The following CXCL13 variants were observed in gnomAD, a reference collection of about 807,000 sequenced individuals.
CXCL13 encodes C-X-C motif chemokine ligand 13.
In CXCL13, 7 loss-of-function variants were observed where a neutral mutation model predicts 12.2. That is an observed-to-expected ratio of 0.57 (90% CI 0.33 to 1.07). The LOEUF is 1.07. CXCL13 is among the 50% of genes least tolerant of loss of function. CXCL13 has a pLI of 0.04. For missense variants in CXCL13, 113 were observed against 127.4 expected, an observed-to-expected ratio of 0.89 and a Z score of 0.55; for synonymous variants, 47 against 42.4, an observed-to-expected ratio of 1.11 and a Z score of -0.42.
chr4:77,574,762 C>T (rs932499984), intron 1 of CXCL13, among the ~76,000 whole-genome samples: 2 of 151,676 alleles, frequency 1.3e-5, no homozygotes, highest in Admixed American at 1.3e-4. Context: ...GTTAGATATC[C>T]GTTGTGTGTG....
chr4:77,596,050 C>T (rs1225588747), intron 1 of CXCL13, among the ~76,000 whole-genome samples: 2 of 152,222 alleles, frequency 1.3e-5, no homozygotes, highest in Non-Finnish European at 2.9e-5. Flanking sequence ...TCATACTCAA[C>T]AAATTGTTAC....
At position 77,600,037 on chromosome 4, in the gene CXCL13, G is replaced by A. The variant is rs1033412968; in HGVS notation, c.-42-5787G>A. On this transcript the variant is annotated intron_variant, in intron 1 of 4. Transcript: ENST00000286758. ...TTTTAAGCAAATTTTTGAGCAACTG[G>A]GTGAATGATGATACCATTTACTAAG... Among the ~76,000 whole-genome samples, 4 of 152,098 alleles carry A rather than the reference G, an allele frequency of 2.6e-5. No individual in the cohort carries two copies. The South Asian group carries it at 8.3e-4, about 32-fold the overall frequency.
intron 1 of CXCL13, among the ~76,000 whole-genome samples, chr4:77,567,505 G>A (rs1307585979): frequency 6.6e-6 from 1 of 152,202 alleles, no homozygotes; most frequent in Non-Finnish European, 1.5e-5. Flanking sequence ...GCCCCTACGT[G>A]AGGAACTCTG....
chr4:77,568,220 C>A (rs752002129), intron 1 of CXCL13, among the ~76,000 whole-genome samples: 2 of 152,170 alleles, frequency 1.3e-5, no homozygotes, highest in Non-Finnish European at 2.9e-5. Context: ...ACTCACTATC[C>A]TTTTTTATCT....
At chr4:77,513,669 G>T (rs1040169646) in intron 1 of CXCL13, among the ~76,000 whole-genome samples, 3 of 151,936 alleles carry the variant, frequency 2.0e-5, no homozygotes, top group Non-Finnish European at 4.4e-5. Flanking sequence ...AGCCAGGATG[G>T]CCTCCATCTC....
chr4:77,522,944 A>G (rs1051464809), intron 1 of CXCL13, among the ~76,000 whole-genome samples: 3 of 152,078 alleles, frequency 2.0e-5, no homozygotes, highest in African/African-American at 4.8e-5. Context: ...TCTGTAAAGG[A>G]TTTTATTTCT....
intron 1 of CXCL13, among the ~76,000 whole-genome samples, chr4:77,524,297 G>A (rs1247009684): frequency 6.6e-6 from 1 of 152,200 alleles, no homozygotes; most frequent in Non-Finnish European, 1.5e-5. Flanking sequence ...GTCTGCAGAA[G>A]TTTCTGCTGC....
intron 1 of CXCL13, among the ~76,000 whole-genome samples, chr4:77,577,483 G>A (rs769137284): frequency 2.0e-5 from 3 of 152,190 alleles, no homozygotes; most frequent in Non-Finnish European, 2.9e-5. Context: ...CAGTGCAGGT[G>A]AGTGTGACTA....
chr4:77,536,284 A>G (rs944269456), intron 1 of CXCL13, among the ~76,000 whole-genome samples: 1 of 152,222 alleles, frequency 6.6e-6, no homozygotes, highest in Non-Finnish European at 1.5e-5. Context: ...TCATTATGGA[A>G]TAAATAATAA....
At chr4:77,597,765 G>A (rs899964243) in intron 1 of CXCL13, among the ~76,000 whole-genome samples, 4 of 152,092 alleles carry the variant, frequency 2.6e-5, no homozygotes, top group African/African-American at 9.7e-5. Context: ...CTGCTCTGTG[G>A]CCACATTCTA....
chr4:77,521,942 T>C (rs767570197), intron 1 of CXCL13, among the ~76,000 whole-genome samples: 1 of 152,204 alleles, frequency 6.6e-6, no homozygotes, highest in African/African-American at 2.4e-5. Context: ...AGAACATCTT[T>C]ATTTCTGCCT....
At chr4:77,578,909 GC>G (rs1203145571) in intron 1 of CXCL13, among the ~76,000 whole-genome samples, 4 of 152,176 alleles carry the variant, frequency 2.6e-5, no homozygotes, top group Non-Finnish European at 5.9e-5. Context: ...ACTGAATATG[GC>G]TTGATAACTA....
At chr4:77,579,591 C>G (rs1726270520) in intron 1 of CXCL13, among the ~76,000 whole-genome samples, 1 of 152,130 alleles carries the variant, frequency 6.6e-6, no homozygotes, top group African/African-American at 2.4e-5. Context: ...TACAGACACT[C>G]CTCTACTCTG....
intron 1 of CXCL13, among the ~76,000 whole-genome samples, chr4:77,578,363 C>A (rs142441152): frequency 1.3e-5 from 2 of 152,192 alleles, no homozygotes; most frequent in African/African-American, 2.4e-5. Flanking sequence ...CCCAAAACAG[C>A]GCCCCCTGTC....
chr4:77,524,838 A>C (rs1724721078), intron 1 of CXCL13, among the ~76,000 whole-genome samples: 1 of 152,160 alleles, frequency 6.6e-6, no homozygotes, highest in Admixed American at 6.5e-5. Flanking sequence ...AGCTGTTCCT[A>C]TTCAGCCATC....
At chr4:77,529,176 C>A (rs1390439934) in intron 1 of CXCL13, among the ~76,000 whole-genome samples, 2 of 152,182 alleles carry the variant, frequency 1.3e-5, no homozygotes, top group Non-Finnish European at 2.9e-5. Context: ...GTTTTGGTTA[C>A]TGTAGCCTTG....
chr4:77,529,282 G>A (rs539886516), intron 1 of CXCL13, among the ~76,000 whole-genome samples: 4 of 152,224 alleles, frequency 2.6e-5, no homozygotes, highest in African/African-American at 9.6e-5. Flanking sequence ...GGTTCCATAT[G>A]AACTTTAAAG....
At chr4:77,549,280 A>G (rs762144302) in intron 1 of CXCL13, among the ~76,000 whole-genome samples, 26 of 152,176 alleles carry the variant, frequency 1.7e-4, no homozygotes, top group Non-Finnish European at 3.1e-4. Flanking sequence ...AATGAGTTAG[A>G]ATATGTTCCT....
intron 1 of CXCL13, among the ~76,000 whole-genome samples, chr4:77,551,126 C>G (rs1560523466): frequency 6.6e-6 from 1 of 152,150 alleles, no homozygotes; most frequent in African/African-American, 2.4e-5. Context: ...CATTTACATT[C>G]AAAGTTAACA....
Sources: allele counts gnomAD v4.1 joint callset (sites outside exome capture counted in the v4.1 genomes callset), GRCh38; gene constraint gnomAD v4.1.1; transcripts MANE v1.5; gene names NCBI Gene and HGNC (gene_info 2026-07-23, HGNC 2026-07-21).